Variants in MAEA observed in about 807,000 individuals in gnomAD.
MAEA encodes the protein E3 ubiquitin-protein transferase MAEA.
MAEA carries 22 observed loss-of-function variants against 46.2 expected under a neutral mutation model. The ratio of observed to expected loss-of-function variants is 0.48; its 90% CI spans 0.34 to 0.68. The LOEUF is 0.68. Among genes scored for constraint, MAEA ranks in the 30% least tolerant of loss-of-function variants. The pLI is 0.01. For synonymous variants in MAEA, 246 were observed against 222.6 expected, an observed-to-expected ratio of 1.11 and a Z score of -0.94; for missense variants, 393 against 558.1, an observed-to-expected ratio of 0.70 and a Z score of 2.98.
In MAEA at chr4:1,316,967, A is replaced by ACCCGGTC. The variant is rs1560356836; in HGVS notation, c.456+1369_456+1370insCGGTCCC. Among the ~76,000 whole-genome samples, 135 of 41,234 alleles carry ACCCGGTC rather than the reference A, an allele frequency of 3.3e-3. 3 individuals are homozygous for ACCCGGTC. Among genetic ancestry groups the ACCCGGTC allele is most frequent in the Non-Finnish European group, 4.0e-3 (95 of 23,510 alleles). 27.1% of individuals were successfully genotyped at this position (41,234 alleles called of 152,430 possible). A position where few individuals can be genotyped will look rare whatever the true frequency, so the allele number is the denominator to read the frequency against. On this transcript the variant is annotated intron_variant, in intron 3 of 8. Coordinates refer to ENST00000303400, the MANE Select transcript of MAEA (RefSeq NM_001017405.3). ...ACACTCCAGACTCACCTGCAGGCCCACCACGGCCCCACACTCTAGACTCAC... is the reference window on the plus strand; with the variant it reads ...ACACTCCAGACTCACCTGCAGGCCCACCCGGTCCCACGGCCCCACACTCTAGACTCAC...
chr4:1,338,657 C>T lies in MAEA; in HGVS notation c.1095+40C>T, dbSNP rs772514367. 2.5e-5 allele frequency: 38 copies of T among 1,545,704 alleles called. No homozygotes were observed. In the South Asian group the frequency reaches 3.3e-4, roughly 14 times the overall value. On this transcript the variant is annotated intron_variant, in intron 8 of 8. Transcript: ENST00000303400. Reference sequence around the variant, plus strand: ...GCAGGGGGGCCAGGCTGGCACGCATCGCCATCGGGACAGGGCTGTGTGGGA... The same window carrying T: ...GCAGGGGGGCCAGGCTGGCACGCATTGCCATCGGGACAGGGCTGTGTGGGA...
chr4:1,316,824 C>T (rs1348511174), intron 3 of MAEA, among the ~76,000 whole-genome samples: 1 of 152,078 alleles, frequency 6.6e-6, no homozygotes, highest in East Asian at 1.9e-4. Context: ...ACTCACGCCC[C>T]CATGCAGCCA....
chr4:1,319,754 G>T (rs1737784439), intron 3 of MAEA, among the ~76,000 whole-genome samples: 1 of 132,390 alleles, frequency 7.6e-6, no homozygotes. Context: ...AAAAAAAAAT[G>T]GTTTTTCAAG....
intron 5 of MAEA, among the ~76,000 whole-genome samples, chr4:1,328,186 C>T (rs568644122): frequency 6.6e-6 from 1 of 152,246 alleles, no homozygotes; most frequent in Non-Finnish European, 1.5e-5. Flanking sequence ...TCCGGCCTGT[C>T]TCCGACCCAA....
At chr4:1,335,366 G>A in intron 6 of MAEA, 1 of 985,504 alleles carries the variant, frequency 1.0e-6, no homozygotes, top group Non-Finnish European at 1.2e-6. Context: ...ATTCACAAGT[G>A]AGTGTAGCAG....
chr4:1,309,494 C>G (rs1283569977), intron 1 of MAEA: 20 of 1,334,738 alleles, frequency 1.5e-5, no homozygotes, highest in Non-Finnish European at 1.9e-5. Flanking sequence ...CTGTCTGGGT[C>G]AGCAGCTGCC....
At chr4:1,318,600 AT>A (rs1285880187) in intron 3 of MAEA, among the ~76,000 whole-genome samples, 2 of 152,098 alleles carry the variant, frequency 1.3e-5, no homozygotes, top group Non-Finnish European at 2.9e-5. Context: ...TTCTGCTGAG[AT>A]GCTCCGGAGG....
chr4:1,313,824 C>T (rs1422062384), intron 2 of MAEA, among the ~76,000 whole-genome samples: 1 of 151,742 alleles, frequency 6.6e-6, no homozygotes, highest in Non-Finnish European at 1.5e-5. Flanking sequence ...AGGTAGATTG[C>T]TTGAGCCCAG....
chr4:1,310,717 G>T (rs13119532), intron 1 of MAEA, among the ~76,000 whole-genome samples: 1 of 152,082 alleles, frequency 6.6e-6, no homozygotes, highest in South Asian at 2.1e-4. Context: ...CCACGTCGGC[G>T]CTGGGGGATG....
At chr4:1,317,984 G>C (rs1459924560) in intron 3 of MAEA, among the ~76,000 whole-genome samples, 2 of 152,192 alleles carry the variant, frequency 1.3e-5, no homozygotes, top group Non-Finnish European at 2.9e-5. Context: ...CTGGGTGTCA[G>C]GGAAGGGCAT....
intron 3 of MAEA, among the ~76,000 whole-genome samples, chr4:1,316,944 A>G (rs563264815): frequency 2.3e-5 from 2 of 88,154 alleles, no homozygotes; most frequent in South Asian, 7.3e-4. Flanking sequence ...CCGGCCCCAC[A>G]CTCCAGACTC....
intron 3 of MAEA, among the ~76,000 whole-genome samples, chr4:1,321,029 G>A (rs991437899): frequency 2.0e-5 from 3 of 152,236 alleles, no homozygotes; most frequent in African/African-American, 7.2e-5. Context: ...GAACCCAGGA[G>A]GCGGAGCTTG....
chr4:1,331,205 C>T (rs80097454), intron 5 of MAEA: 11,525 of 150,642 alleles, frequency 0.077, 1,074 homozygotes, highest in East Asian at 0.43. Flanking sequence ...ACTGGAATCT[C>T]GGATGGCCGT....
chr4:1,338,777 C>T lies in MAEA; in HGVS notation c.1095+160C>T, dbSNP rs116413725. On this transcript the variant is annotated intron_variant, in intron 8 of 8. Coordinates refer to ENST00000303400, the MANE Select transcript of MAEA (RefSeq NM_001017405.3). ...GGGGGGCCAGGCTGGCACGCGTCGC[C>T]ATCGGGACAGGGCTGTGTGGGGCGG... The T allele has an allele frequency of 4.6e-4, 360 of 778,002 alleles. No homozygotes were observed. In the African/African-American group the frequency reaches 5.9e-3, roughly 13 times the overall value. The allele number at this position is 778,002 out of a possible 1,614,324, so 48.2% of individuals were successfully genotyped here.
chr4:1,337,594 C>G (rs919752795), intron 7 of MAEA: 2 of 174,132 alleles, frequency 1.1e-5, no homozygotes, highest in Non-Finnish European at 2.5e-5. Context: ...GTGACTGACT[C>G]TGTCCCACCT....
chr4:1,326,894 G>A (rs544656603), intron 4 of MAEA, among the ~76,000 whole-genome samples: 26 of 152,326 alleles, frequency 1.7e-4, no homozygotes, highest in African/African-American at 5.5e-4. Flanking sequence ...GGCGCTCCCC[G>A]CCCTACCGAC....
At chr4:1,313,894 C>T (rs977851389) in intron 2 of MAEA, among the ~76,000 whole-genome samples, 4 of 150,022 alleles carry the variant, frequency 2.7e-5, no homozygotes, top group East Asian at 4.0e-4. Context: ...AATAGCCAGG[C>T]GTGGTGACAC....
chr4:1,297,603 C>G (rs1346947405), intron 1 of MAEA, among the ~76,000 whole-genome samples: 1 of 152,200 alleles, frequency 6.6e-6, no homozygotes, highest in Non-Finnish European at 1.5e-5. Context: ...TCGTCACAGT[C>G]TGACGCGGTC....
intron 1 of MAEA, among the ~76,000 whole-genome samples, chr4:1,301,734 A>G (rs1251924041): frequency 6.6e-6 from 1 of 151,662 alleles, no homozygotes; most frequent in African/African-American, 2.4e-5. Flanking sequence ...AAGTAAAAAT[A>G]AATAAGCACT....
Sources: gnomAD v4.1 joint callset for allele counts (sites outside exome capture counted in the v4.1 genomes callset) on GRCh38, gnomAD v4.1.1 for gene constraint, MANE v1.5 for transcripts, NCBI Gene and HGNC (gene_info 2026-07-23, HGNC 2026-07-21) for gene names.